The following DENND4B variants were observed in gnomAD, a reference collection of about 807,000 sequenced individuals.
The protein encoded by DENND4B is DENN domain-containing protein 4B.
Under a neutral mutation model 161.0 loss-of-function variants are expected in DENND4B, and 67 were observed. The observed-to-expected ratio is 0.42, with a 90% confidence interval of 0.34 to 0.51. The LOEUF is 0.51. DENND4B is among the 20% of genes least tolerant of loss of function. The pLI is 0.08. For synonymous variants in DENND4B, 753 were observed against 813.8 expected (o/e 0.93, Z 1.27); for missense variants, 1,481 against 1,968.0 (o/e 0.75, Z 4.68).
chr1:153,943,293 A>G (rs1465460068), intron 2 of DENND4B, among the ~76,000 whole-genome samples, 163 bp from the exon 3 acceptor site: 19 of 152,218 alleles, frequency 1.2e-4, no homozygotes, highest in Admixed American at 1.2e-3. Context: ...TCTGCCCTCC[A>G]GAATCCTGTG....
In DENND4B at chr1:153,936,806, C is replaced by T. The variant is rs1679366488; in HGVS notation, c.2233-58G>A. 7.2e-7 allele frequency: 1 copy of T among 1,397,228 alleles called. No individual in the cohort carries two copies. The highest frequency in any genetic ancestry group is 1.5e-5 in the African/African-American group (1 of 68,482). 86.6% of individuals were successfully genotyped at this position (1,397,228 alleles called of 1,614,324 possible). On this transcript the variant is annotated intron_variant, in intron 15 of 27. Coordinates refer to ENST00000361217, the MANE Select transcript of DENND4B (RefSeq NM_014856.3). This position sits in a 1 kb window ranked among gnomAD's most constrained non-coding sequence, Gnocchi z 4.1. ...ACAATGCCAGGTCTTTCTTACTTAT[C>T]TATTTATTTATTTATTTATGACGGT...
chr1:153,939,842 C>T, intron 11 of DENND4B, 38 bp from the exon 12 acceptor site: 1 of 1,596,586 alleles, frequency 6.3e-7, no homozygotes, highest in Non-Finnish European at 8.6e-7. Context: ...GGGCTGGCTC[C>T]CATAGTGTTA....
At position 153,932,156 on chromosome 1, in the gene DENND4B, G is replaced by T. The variant is rs762557318; in HGVS notation, c.3996+48C>A. 3.9e-6 allele frequency: 6 copies of T among 1,525,768 alleles called. No individual in the cohort carries two copies. The highest frequency in any genetic ancestry group is 5.4e-6 in the Non-Finnish European group (6 of 1,112,014). The allele number at this position is 1,525,768 out of a possible 1,614,324, so 94.5% of individuals were successfully genotyped here. ...AAGGACACAGTGGACAAATGGCTGA[G>T]AGATGAGGGAGGCACTTAGGAAACA... On this transcript the variant is annotated intron_variant, in intron 24 of 27. Transcript: ENST00000361217. The surrounding 1 kb of genome is among the most constrained non-coding windows in gnomAD (Gnocchi z 5.8).
Position 153,942,123 on chromosome 1 carries a change from G to A in DENND4B, c.811-10C>T, listed in dbSNP as rs749859824. On this transcript the variant is annotated splice_polypyrimidine_tract_variant and intron_variant, in intron 5 of 27. Transcript: ENST00000361217. This position sits in a 1 kb window ranked among gnomAD's most constrained non-coding sequence, Gnocchi z 6.9. ...GGGCGGCACCATACACCTGGCAGGG[G>A]GCAGAAGGGTAGTCAGGCAGGCCCT... The A allele has an allele frequency of 1.9e-6, 3 of 1,613,814 alleles. No individual in the cohort carries two copies. The highest frequency in any genetic ancestry group is 2.5e-6 in the Non-Finnish European group (3 of 1,179,832).
intron 1 of DENND4B, chr1:153,945,213 G>T (rs1049779716): frequency 2.3e-6 from 3 of 1,279,860 alleles, no homozygotes; most frequent in Admixed American, 2.3e-5. Context: ...CTGGGAAAAA[G>T]CCTGGTGGGT....
In DENND4B at chr1:153,934,808, G is replaced by C. The variant is rs1051365359; in HGVS notation, c.2725C>G (p.Gln909Glu). Residue 909 changes from glutamine to glutamate, a missense_variant, in exon 18 of 28, where the codon CAG (glutamine) becomes GAG (glutamate). Physicochemically the swap from Gln to Glu is conservative, Grantham distance 29. Coordinates refer to ENST00000361217, the MANE Select transcript of DENND4B (RefSeq NM_014856.3). The surrounding 1 kb of genome is among the most constrained non-coding windows in gnomAD (Gnocchi z 5.3). ...TGATGTGCTGACACCTGCTCCTGCT[G>C]CTGCTGCTGCTGCTGCTGCTGTTGC... ...QQQQQQQQQQ[Q>E]QEQVSAHQEA... 2 of 780,002 alleles carry C rather than the reference G, an allele frequency of 2.6e-6. No homozygotes were observed. Among genetic ancestry groups the C allele is most frequent in the African/African-American group, 3.6e-5 (2 of 54,894 alleles). The allele number at this position is 780,002 out of a possible 1,614,324, so 48.3% of individuals were successfully genotyped here.
In DENND4B at chr1:153,936,488, G is replaced by T; in HGVS notation, c.2439+54C>A. On this transcript the variant is annotated intron_variant, in intron 16 of 27. Transcript: ENST00000361217. The surrounding 1 kb of genome is among the most constrained non-coding windows in gnomAD (Gnocchi z 4.1). The stretch of plus-strand genomic sequence containing the variant: ...AGTTTCCCTCTCACAGCCCTCTCCA[G>T]CTGCACAAGGCTCACTGGGCCTGGG... The T allele has an allele frequency of 6.7e-7, 1 of 1,486,214 alleles. No individual in the cohort carries two copies. 92.1% of individuals were successfully genotyped at this position (1,486,214 alleles called of 1,614,324 possible). A position where few individuals can be genotyped will look rare whatever the true frequency, so the allele number is the denominator to read the frequency against.
chr1:153,932,610 C>T lies in DENND4B; in HGVS notation c.3759+32G>A, dbSNP rs773609545. 45 of 1,596,882 alleles carry T rather than the reference C, an allele frequency of 2.8e-5. No individual in the cohort carries two copies. Among genetic ancestry groups the T allele is most frequent in the East Asian group, 1.6e-4 (7 of 44,570 alleles). ...CAGGCCCCACACAGGGCAACATTCC[C>T]GTTCCTCATGCCCCTTTGGCCCAGC... On this transcript the variant is annotated intron_variant, in intron 23 of 27. Transcript: ENST00000361217. This position sits in a 1 kb window ranked among gnomAD's most constrained non-coding sequence, Gnocchi z 5.8.
chr1:153,941,564 CTGT>C, intron 6 of DENND4B, 124 bp from the exon 7 acceptor site: 2 of 1,231,554 alleles, frequency 1.6e-6, no homozygotes, highest in Non-Finnish European at 2.2e-6. Context: ...ACTTTGAGAC[CTGT>C]TATCAGCCAA....
chr1:153,943,991 A>AC (rs760010655), intron 2 of DENND4B, 67 bp downstream of exon 2: 78 of 1,469,552 alleles, frequency 5.3e-5, no homozygotes, highest in Non-Finnish European at 6.4e-5. Flanking sequence ...CCATAGTCCT[A>AC]CCTCTCCCTG....
Position 153,932,164 on chromosome 1 carries a change from G to A in DENND4B, c.3996+40C>T, listed in dbSNP as rs534707301. On this transcript the variant is annotated intron_variant, in intron 24 of 27. Transcript: ENST00000361217. The surrounding 1 kb of genome is among the most constrained non-coding windows in gnomAD (Gnocchi z 5.8). ...AGTGGACAAATGGCTGAGAGATGAG[G>A]GAGGCACTTAGGAAACAGGGGCCAC... is the stretch of plus-strand genomic sequence containing the variant. 39 of 1,555,768 alleles carry A rather than the reference G, an allele frequency of 2.5e-5. No homozygotes were observed. In the South Asian group the frequency reaches 4.1e-4, roughly 16 times the overall value.
Position 153,937,779 on chromosome 1 carries a change from T to A in DENND4B, c.2050A>T (p.Thr684Ser). 1 of 1,613,854 alleles carries A rather than the reference T, an allele frequency of 6.2e-7. No individual in the cohort carries two copies. The highest frequency in any genetic ancestry group is 8.5e-7 in the Non-Finnish European group (1 of 1,179,850). Residue 684 changes from threonine (T) to serine (S), a missense_variant, in exon 14 of 28, where the codon ACA becomes TCA. This residue lies in a region of DENND4B where 806 missense variants were observed against 1,134.4 expected (regional missense o/e 0.71). Coordinates refer to ENST00000361217, the MANE Select transcript of DENND4B (RefSeq NM_014856.3). This position sits in a 1 kb window ranked among gnomAD's most constrained non-coding sequence, Gnocchi z 4.7. Reference protein sequence around the residue: ...LSGSELTVFITPPEEPALPEG... With the variant: ...LSGSELTVFISPPEEPALPEG... ...GGTAAGGCAGGCTCCTCGGGAGGTG[T>A]GATAAAGACAGTGAGCTCACTTCCT...
At chr1:153,945,271 G>A in intron 1 of DENND4B, 4 of 856,868 alleles carry the variant, frequency 4.7e-6, no homozygotes, top group South Asian at 1.5e-5. Context: ...CAGAGGGGAA[G>A]GGAGGTTACT....
chr1:153,935,973 T>C, intron 17 of DENND4B, 87 bp downstream of exon 17: 4 of 1,520,830 alleles, frequency 2.6e-6, no homozygotes, highest in South Asian at 1.2e-5. Context: ...ACCAGCCCAA[T>C]CTCCAAGGAG....
At position 153,946,108 on chromosome 1, in the gene DENND4B, C is replaced by G. The variant is rs1679952043; in HGVS notation, c.-24+193G>C. The stretch of plus-strand genomic sequence containing the variant: ...GCACCCACGGGAGCAGAAGGGGGTG[C>G]AGGAGGCCGGGCACGGCGAGCTAAT... On this transcript the variant is annotated intron_variant, in intron 1 of 27. Transcript: ENST00000361217. This position sits in a 1 kb window ranked among gnomAD's most constrained non-coding sequence, Gnocchi z 6.3. Among the ~76,000 whole-genome samples the G allele has an allele frequency of 2.0e-5, 3 of 152,162 alleles. No homozygotes were observed. In the South Asian group the frequency reaches 6.2e-4, roughly 31 times the overall value.
intron 13 of DENND4B, among the ~76,000 whole-genome samples, chr1:153,938,128 G>C (rs1156646535): frequency 6.6e-6 from 1 of 152,170 alleles, no homozygotes; most frequent in Non-Finnish European, 1.5e-5. Context: ...GGCCCTGGGG[G>C]CCAGACACAG....
At chr1:153,941,164 C>G in intron 8 of DENND4B, 67 bp downstream of exon 8, 1 of 1,595,886 alleles carries the variant, frequency 6.3e-7, no homozygotes, top group South Asian at 1.1e-5. Context: ...ACAGCTGCAC[C>G]CACCTGCCCA....
chr1:153,945,553 GAC>G (rs35616374), intron 1 of DENND4B, among the ~76,000 whole-genome samples: 81,625 of 149,642 alleles, frequency 0.55, 22,735 homozygotes, highest in East Asian at 0.93. Flanking sequence ...CTGGCCTCTG[GAC>G]ACACACACAC....
Position 153,932,395 on chromosome 1 carries a change from G to T in DENND4B, c.3805C>A (p.Pro1269Thr). Residue 1269 changes from proline (P) to threonine (T), a missense_variant, in exon 24 of 28, where the codon CCC becomes ACC. Transcript: ENST00000361217. This position sits in a 1 kb window ranked among gnomAD's most constrained non-coding sequence, Gnocchi z 5.8. ...TCCAGCTCCTTACGCAGCACCAGGG[G>T]GCTCAGGTATGCCCATGCCCCACTC... ...VESGAWAYLS[P>T]LVLRKELESL... 1 of 1,613,424 alleles carries T rather than the reference G, an allele frequency of 6.2e-7. No homozygotes were observed. The highest frequency in any genetic ancestry group is 8.5e-7 in the Non-Finnish European group (1 of 1,179,652).
Sources: gnomAD v4.1 joint callset for allele counts (sites outside exome capture counted in the v4.1 genomes callset) on GRCh38, gnomAD v4.1.1 for gene constraint, gnomAD v4.1.1 regional missense constraint, Gnocchi (gnomAD v3.1) non-coding constraint, MANE v1.5 for transcripts, NCBI Gene and HGNC (gene_info 2026-07-23, HGNC 2026-07-21) for gene names.